Variants in SCLT1 observed in about 807,000 individuals in gnomAD.
SCLT1 encodes the protein sodium channel and clathrin linker 1.
SCLT1 carries 78 observed loss-of-function variants against 112.8 expected under a neutral mutation model. The observed-to-expected ratio is 0.69, with a 90% CI of 0.58 to 0.83. SCLT1 has a LOEUF of 0.83. Among genes scored for constraint, SCLT1 ranks in the 40% least tolerant of loss-of-function variants. The probability of loss-of-function intolerance (pLI) is 0.00; values close to 1 mark genes in which losing one functional copy is unlikely to be tolerated. For synonymous variants in SCLT1, 257 were observed against 254.7 expected, an observed-to-expected ratio of 1.01 and a Z score of -0.09; for missense variants, 747 against 770.4, an observed-to-expected ratio of 0.97 and a Z score of 0.36.
At chr4:128,970,635 A>G (rs925804522) in intron 9 of SCLT1, 167 bp from the exon 10 acceptor site, 1 of 571,482 alleles carries the variant, frequency 1.7e-6, no homozygotes, top group Middle Eastern at 4.6e-4. Flanking sequence ...AAGTGCATGT[A>G]GAAGATATTA....
intron 9 of SCLT1, chr4:128,971,361 CTT>C (rs995908521): frequency 5.9e-5 from 9 of 152,134 alleles, no homozygotes; most frequent in Admixed American, 5.2e-4. Context: ...CCTTTTGACT[CTT>C]TGTCTTTAAA....
intron 17 of SCLT1, among the ~76,000 whole-genome samples, chr4:128,938,565 T>G (rs1026760095): frequency 2.6e-5 from 4 of 152,190 alleles, no homozygotes; most frequent in Non-Finnish European, 4.4e-5. Flanking sequence ...TTAGATTGCC[T>G]GCCCTTTCTC....
chr4:128,982,681 T>A (rs991399522), intron 9 of SCLT1, among the ~76,000 whole-genome samples: 1 of 152,080 alleles, frequency 6.6e-6, no homozygotes, highest in African/African-American at 2.4e-5. Context: ...TTTGTATTTT[T>A]AGAAGAGACG....
intron 1 of SCLT1, among the ~76,000 whole-genome samples, chr4:129,092,523 T>C (rs555464033): frequency 1.3e-5 from 2 of 152,360 alleles, no homozygotes; most frequent in East Asian, 3.9e-4. Flanking sequence ...ATCCTTTACA[T>C]ATTTTAATAT....
intron 18 of SCLT1, among the ~76,000 whole-genome samples, chr4:128,920,104 C>T (rs1270616060): frequency 1.6e-4 from 24 of 152,094 alleles, no homozygotes. Context: ...AAAAAGAAAA[C>T]TTCAGGCCAA....
intron 18 of SCLT1, among the ~76,000 whole-genome samples, chr4:128,925,425 C>T (rs62317929): frequency 0.021 from 3,132 of 151,962 alleles, 63 homozygotes; most frequent in Non-Finnish European, 0.033. Context: ...TCACTGCAAC[C>T]TCTGCCTCCT....
chr4:129,015,542 G>T (rs1214331801), intron 5 of SCLT1, among the ~76,000 whole-genome samples: 1 of 152,152 alleles, frequency 6.6e-6, no homozygotes, highest in Non-Finnish European at 1.5e-5. Flanking sequence ...TCTCCTAAGA[G>T]AGCAAGTTGA....
At chr4:128,928,834 CAA>C (rs34182741) in intron 18 of SCLT1, among the ~76,000 whole-genome samples, 105,365 of 146,644 alleles carry the variant, frequency 0.72, 37,010 homozygotes, top group African/African-American at 0.76. Context: ...CTCCGTCTCG[CAA>C]AAAAAAAAAA....
In SCLT1 at chr4:128,977,581, C is replaced by T. The variant is rs570336061; in HGVS notation, c.687-7113G>A. Among the ~76,000 whole-genome samples, 224 of 152,198 alleles carry T rather than the reference C, an allele frequency of 1.5e-3. 2 individuals are homozygous for T. The highest frequency in any genetic ancestry group is 5.1e-3 in the African/African-American group (213 of 41,532). ...GAAAGACATGGGTCATCAGGCACAT[C>T]TATGGTAGAAATATCTGAGCTACGA... On this transcript the variant is annotated intron_variant, in intron 9 of 20. Coordinates refer to ENST00000281142, the MANE Select transcript of SCLT1 (RefSeq NM_144643.4).
chr4:128,927,118 A>T (rs1387994963), intron 18 of SCLT1, among the ~76,000 whole-genome samples: 1 of 152,124 alleles, frequency 6.6e-6, no homozygotes, highest in Non-Finnish European at 1.5e-5. Context: ...ACTAAATATC[A>T]GTGAATGAAA....
intron 2 of SCLT1, among the ~76,000 whole-genome samples, chr4:129,062,630 T>G (rs1174108015): frequency 1.3e-5 from 2 of 152,148 alleles, no homozygotes; most frequent in Non-Finnish European, 2.9e-5. Context: ...GCTTTATCTC[T>G]CCTACATTTC....
chr4:129,037,042 T>C (rs1230947848), intron 5 of SCLT1: 1 of 151,810 alleles, frequency 6.6e-6, no homozygotes, highest in African/African-American at 2.4e-5. Context: ...AAACATTTTT[T>C]AGTAGCAAAT....
Position 128,893,931 on chromosome 4 carries a change from TTTTG to T in SCLT1, c.1830-2798_1830-2795del, listed in dbSNP as rs376420656. ...CTAGGGTCACATAGCCTGTCAGGTT[TTTTG>T]TTTGTTTGTTTGTTTGTTTTTTGAG... is the stretch of plus-strand genomic sequence containing the variant. On this transcript the variant is annotated intron_variant, in intron 18 of 20. Coordinates refer to ENST00000281142, the MANE Select transcript of SCLT1 (RefSeq NM_144643.4). Among the ~76,000 whole-genome samples, 486 of 151,842 alleles carry T rather than the reference TTTTG, an allele frequency of 3.2e-3. 6 individuals carry two copies. Among genetic ancestry groups the T allele is most frequent in the African/African-American group, 0.011 (444 of 41,422 alleles).
At chr4:129,008,641 C>A (rs1364962270) in intron 5 of SCLT1, among the ~76,000 whole-genome samples, 1 of 152,004 alleles carries the variant, frequency 6.6e-6, no homozygotes, top group Non-Finnish European at 1.5e-5. Context: ...TCCATATTTT[C>A]TTTTTAAATT....
At chr4:129,032,145 A>G (rs1746779922) in intron 5 of SCLT1, among the ~76,000 whole-genome samples, 1 of 152,138 alleles carries the variant, frequency 6.6e-6, no homozygotes, top group Admixed American at 6.5e-5. Flanking sequence ...AGATATATAT[A>G]GACCAATGGA....
In SCLT1 at chr4:129,006,966, A is replaced by T. The variant is rs72685309; in HGVS notation, c.291-3090T>A. Among the ~76,000 whole-genome samples the T allele has an allele frequency of 5.9e-3, 906 of 152,306 alleles. 7 individuals carry two copies. The highest frequency in any genetic ancestry group is 0.012 in the East Asian group (64 of 5,182). The stretch of plus-strand genomic sequence containing the variant: ...GTTATTTTCTTTATTAATCAGTTGA[A>T]AATATTTTCTAACTTCCATTGTGAG... On this transcript the variant is annotated intron_variant, in intron 5 of 20. Transcript: ENST00000281142.
At chr4:129,093,046 G>C (rs1300259894) in intron 1 of SCLT1, 24 bp downstream of exon 1, 7 of 1,553,534 alleles carry the variant, frequency 4.5e-6, no homozygotes, top group Non-Finnish European at 6.2e-6. Context: ...TGTATATGAA[G>C]TCTCAAAAAA....
intron 18 of SCLT1, among the ~76,000 whole-genome samples, chr4:128,904,563 GT>G (rs1560823734): frequency 6.6e-6 from 1 of 152,108 alleles, no homozygotes; most frequent in Non-Finnish European, 1.5e-5. Context: ...AGTGCCCACT[GT>G]TTGTTGTTCC....
chr4:128,948,116 A>C (rs1202564167), intron 15 of SCLT1, among the ~76,000 whole-genome samples: 1 of 151,976 alleles, frequency 6.6e-6, no homozygotes, highest in East Asian at 1.9e-4. Context: ...CAGGCGGATC[A>C]CGAGGTCAGG....
Sources: gnomAD v4.1 joint callset for allele counts (sites outside exome capture counted in the v4.1 genomes callset) on GRCh38, gnomAD v4.1.1 for gene constraint, MANE v1.5 for transcripts, NCBI Gene and HGNC (gene_info 2026-07-23, HGNC 2026-07-21) for gene names.